KIF16B: variants seen among roughly 807,000 people sequenced by gnomAD.
KIF16B encodes the protein kinesin-like protein KIF16B.
In KIF16B, 98 loss-of-function variants were observed where a neutral mutation model predicts 156.3. The ratio of observed to expected loss-of-function variants is 0.63; its 90% CI spans 0.53 to 0.74. KIF16B has a LOEUF of 0.74. KIF16B is among the 30% of genes least tolerant of loss of function. KIF16B has a pLI of 0.00. For missense variants in KIF16B, 1,421 were observed against 1,606.5 expected (o/e 0.88, Z 1.97); for synonymous variants, 564 against 583.7 (o/e 0.97, Z 0.49).
intron 10 of KIF16B, among the ~76,000 whole-genome samples, chr20:16,499,232 C>A (rs1325173082): frequency 1.3e-5 from 2 of 152,202 alleles, no homozygotes; most frequent in African/African-American, 4.8e-5. Flanking sequence ...AGGGGCCCCA[C>A]AAGGGACACA....
At chr20:16,371,633 T>A (rs1286912028) in intron 21 of KIF16B, 32 bp downstream of exon 21, 1 of 1,315,350 alleles carries the variant, frequency 7.6e-7, no homozygotes, top group East Asian at 2.3e-5. Flanking sequence ...AACGAACTTG[T>A]TACTTCGTGT....
chr20:16,273,279 C>T lies in KIF16B; in HGVS notation c.3928G>A (p.Asp1310Asn). 1.9e-6 allele frequency: 3 copies of T among 1,614,090 alleles called. No homozygotes were observed. The highest frequency in any genetic ancestry group is 2.5e-6 in the Non-Finnish European group (3 of 1,179,980). The part of the protein sequence containing the change: ...FSPFFKKGVF[D>N]YSSHGTG ...TACCCCGTCCCGTGGCTGCTGTAGT[C>T]AAAGACTCCTTTCTTGAAGAATGGT... The change falls in exon 26 of 26, where the codon GAC becomes AAC. Residue 1310 changes from aspartate to asparagine, a missense_variant. Coordinates refer to ENST00000354981, the MANE Select transcript of KIF16B (RefSeq NM_024704.5).
chr20:16,433,740 G>A (rs932610027), intron 12 of KIF16B, among the ~76,000 whole-genome samples: 1 of 152,128 alleles, frequency 6.6e-6, no homozygotes, highest in Non-Finnish European at 1.5e-5. Context: ...AAAGCTCTAT[G>A]ACATTCAAGC....
chr20:16,292,990 T>C (rs1489009533), intron 25 of KIF16B, among the ~76,000 whole-genome samples: 3 of 151,872 alleles, frequency 2.0e-5, no homozygotes, highest in South Asian at 2.1e-4. Context: ...TTGACAGAGA[T>C]AGACGAGACA....
At chr20:16,497,551 G>T in intron 11 of KIF16B, 62 bp downstream of exon 11, 2 of 1,299,656 alleles carry the variant, frequency 1.5e-6, no homozygotes, top group Non-Finnish European at 1.1e-6. Context: ...TCCTAAAAAA[G>T]CATGCACTTA....
intron 23 of KIF16B, among the ~76,000 whole-genome samples, chr20:16,341,865 G>A (rs1348245124): frequency 6.6e-6 from 1 of 152,204 alleles, no homozygotes. Flanking sequence ...AAAGCCCTTA[G>A]TGCGGCATTT....
chr20:16,290,681 C>A (rs1328596821), intron 25 of KIF16B, among the ~76,000 whole-genome samples: 1 of 152,100 alleles, frequency 6.6e-6, no homozygotes, highest in Non-Finnish European at 1.5e-5. Flanking sequence ...AGGGTCAAGC[C>A]CTAGGTGTGA....
Position 16,429,023 on chromosome 20 carries a change from C to A in KIF16B, c.1423-19G>T. On this transcript the variant is annotated intron_variant, in intron 13 of 25. Coordinates refer to ENST00000354981, the MANE Select transcript of KIF16B (RefSeq NM_024704.5). The stretch of plus-strand genomic sequence containing the variant: ...GACCTTCCTGGGAAGAAAACCCAAG[C>A]AAAATGTATTAGTAAGAAGAGAAGG... 6.2e-7 allele frequency: 1 copy of A among 1,602,290 alleles called. No individual in the cohort carries two copies. The highest frequency in any genetic ancestry group is 8.6e-7 in the Non-Finnish European group (1 of 1,169,580).
At chr20:16,407,544 T>C (rs2065817278) in intron 15 of KIF16B, among the ~76,000 whole-genome samples, 2 of 152,086 alleles carry the variant, frequency 1.3e-5, no homozygotes, top group African/African-American at 4.8e-5. Flanking sequence ...TCTCACCGGA[T>C]AACCAGAGGG....
intron 25 of KIF16B, among the ~76,000 whole-genome samples, chr20:16,298,830 G>C (rs2063429045): frequency 6.6e-6 from 1 of 151,952 alleles, no homozygotes. Context: ...CCACGGAGTT[G>C]CACTCAGCGA....
At position 16,378,834 on chromosome 20, in the gene KIF16B, C is replaced by T. The variant is rs1197092732; in HGVS notation, c.3168G>A (p.Glu1056=). ...CCTGGTCCTTCTCCAGGGCTTCCTG[C>T]TCAGCCTCCAGGCTAGCCTGGAGCC... is the stretch of plus-strand genomic sequence containing the variant. ...QSGLQASLEA[E]QEALEKDQER... is the part of the protein sequence containing the mutation. Residue 1056 remains glutamate, a synonymous_variant, in exon 19 of 26, where the codon GAG becomes GAA. Coordinates refer to ENST00000354981, the MANE Select transcript of KIF16B (RefSeq NM_024704.5). 1 of 1,612,466 alleles carries T rather than the reference C, an allele frequency of 6.2e-7. No individual in the cohort carries two copies. Among genetic ancestry groups the T allele is most frequent in the Non-Finnish European group, 8.5e-7 (1 of 1,179,252 alleles).
chr20:16,541,661 A>G (rs2070203637), intron 1 of KIF16B, among the ~76,000 whole-genome samples: 1 of 152,230 alleles, frequency 6.6e-6, no homozygotes, highest in Non-Finnish European at 1.5e-5. Context: ...ATCCCAGAGA[A>G]GCAGACATCT....
chr20:16,351,574 G>A (rs986787379), intron 23 of KIF16B, among the ~76,000 whole-genome samples: 1 of 152,212 alleles, frequency 6.6e-6, no homozygotes, highest in Non-Finnish European at 1.5e-5. Flanking sequence ...CTGACCAGCA[G>A]GTGACACACA....
chr20:16,331,615 GC>G (rs2063949746), intron 24 of KIF16B, among the ~76,000 whole-genome samples: 1 of 152,174 alleles, frequency 6.6e-6, no homozygotes, highest in Admixed American at 6.5e-5. Context: ...AATTAAGAGA[GC>G]CAGAATAGTC....
intron 20 of KIF16B, among the ~76,000 whole-genome samples, chr20:16,372,768 G>A (rs1039789922): frequency 6.6e-6 from 1 of 152,158 alleles, no homozygotes; most frequent in Non-Finnish European, 1.5e-5. Flanking sequence ...TATGATCTTG[G>A]CTCACTGCAA....
intron 19 of KIF16B, 104 bp from the exon 20 acceptor site, chr20:16,374,513 C>T (rs2064899043): frequency 7.3e-6 from 8 of 1,095,996 alleles, no homozygotes; most frequent in African/African-American, 1.6e-5. Flanking sequence ...AAGATCTGTC[C>T]TCTGTGTGCA....
At chr20:16,378,021 G>A (rs1162603935) in intron 19 of KIF16B, among the ~76,000 whole-genome samples, 4 of 152,072 alleles carry the variant, frequency 2.6e-5, no homozygotes, top group East Asian at 1.9e-4. Flanking sequence ...TTGTTGGTTC[G>A]GTTGACTGTT....
intron 24 of KIF16B, among the ~76,000 whole-genome samples, chr20:16,325,426 C>T (rs1438457316): frequency 6.6e-6 from 1 of 151,864 alleles, no homozygotes; most frequent in African/African-American, 2.4e-5. Context: ...CAAAAAGCTC[C>T]TAGATCTGAT....
chr20:16,430,269 A>G (rs185260612), intron 12 of KIF16B, among the ~76,000 whole-genome samples: 27 of 152,284 alleles, frequency 1.8e-4, no homozygotes, highest in African/African-American at 5.8e-4. Context: ...CAAACTACAA[A>G]GTAAACTTTC....
Sources: allele counts gnomAD v4.1 joint callset (sites outside exome capture counted in the v4.1 genomes callset), GRCh38; gene constraint gnomAD v4.1.1; transcripts MANE v1.5; gene names NCBI Gene and HGNC (gene_info 2026-07-23, HGNC 2026-07-21).